SHROOM3: variants seen among roughly 807,000 people sequenced by gnomAD.
SHROOM3 encodes protein Shroom3.
SHROOM3 carries 47 observed loss-of-function variants against 138.6 expected under a neutral mutation model. The ratio of observed to expected loss-of-function variants is 0.34; its 90% CI spans 0.27 to 0.43. The LOEUF (loss-of-function observed/expected upper bound fraction) is 0.43, where lower values mean the gene tolerates loss of function less well. SHROOM3 is among the 20% of genes least tolerant of loss of function. The pLI is 1.00. For synonymous variants in SHROOM3, 1,062 were observed against 1,063.3 expected (o/e 1.00, Z 0.02); for missense variants, 2,491 against 2,596.5 (o/e 0.96, Z 0.88).
intron 1 of SHROOM3, among the ~76,000 whole-genome samples, chr4:76,484,572 AAAACAAACAAAC>A (rs142274232): frequency 0.016 from 2,327 of 147,616 alleles, 30 homozygotes; most frequent in Non-Finnish European, 0.022. Context: ...CCCTTACTCT[AAAACAAACAAAC>A]AAACAAACAA....
At chr4:76,547,538 C>T (rs1399221327) in intron 1 of SHROOM3, among the ~76,000 whole-genome samples, 1 of 152,084 alleles carries the variant, frequency 6.6e-6, no homozygotes, top group Admixed American at 6.5e-5. Context: ...TTCTGGGCGT[C>T]GGGGATACAG....
chr4:76,698,290 CTTCT>C (rs1719805296), intron 2 of SHROOM3, among the ~76,000 whole-genome samples: 1 of 152,184 alleles, frequency 6.6e-6, no homozygotes, highest in Non-Finnish European at 1.5e-5. Context: ...TGCATGTGAG[CTTCT>C]TTCTAAGACC....
intron 3 of SHROOM3, among the ~76,000 whole-genome samples, chr4:76,718,686 G>T (rs556658666): frequency 6.6e-6 from 1 of 152,200 alleles, no homozygotes; most frequent in Non-Finnish European, 1.5e-5. Context: ...CTCCAAAAGA[G>T]AATTCAGTTT....
At chr4:76,721,093 A>AGAGGTCAG (rs1553941634) in intron 3 of SHROOM3, among the ~76,000 whole-genome samples, 2 of 151,760 alleles carry the variant, frequency 1.3e-5, no homozygotes, top group Non-Finnish European at 2.9e-5. Context: ...GGGCGGATCA[A>AGAGGTCAG]GAGGTCAGGA....
intron 1 of SHROOM3, 30 bp from the exon 2 acceptor site, chr4:76,555,579 C>G: frequency 6.2e-7 from 1 of 1,611,936 alleles, no homozygotes. Context: ...AAAGCTCACT[C>G]GTGGCTGTCG....
At chr4:76,734,977 C>T (rs528646993) in intron 4 of SHROOM3, among the ~76,000 whole-genome samples, 21 of 152,100 alleles carry the variant, frequency 1.4e-4, no homozygotes, top group Non-Finnish European at 1.2e-4. Context: ...AAGAGCACTC[C>T]GGGTGGTGGG....
In SHROOM3 at chr4:76,739,416, C is replaced by A. The variant is rs772746533; in HGVS notation, c.1243C>A (p.Pro415Thr). 6.2e-7 allele frequency: 1 copy of A among 1,614,158 alleles called. No homozygotes were observed. Among genetic ancestry groups the A allele is most frequent in the Non-Finnish European group, 8.5e-7 (1 of 1,180,044 alleles). ...CCTTGATCAGAAACGGCTCTGCCGGCCTCAGGCAAACTCTTTAGGCTCCCT... is the reference window on the plus strand; with the variant it reads ...CCTTGATCAGAAACGGCTCTGCCGGACTCAGGCAAACTCTTTAGGCTCCCT... ...SSLDQKRLCR[P>T]QANSLGSLKS... Residue 415 changes from proline to threonine, a missense_variant, in exon 5 of 11, where the codon CCT becomes ACT. Pro to Thr is a conservative substitution (Grantham distance 38, BLOSUM62 -1). This residue lies in a region of SHROOM3 where 1,733 missense variants were observed against 1,661.6 expected (regional missense o/e 1.04). Coordinates refer to ENST00000296043, the MANE Select transcript of SHROOM3 (RefSeq NM_020859.4).
intron 10 of SHROOM3, 96 bp downstream of exon 10, chr4:76,770,994 T>G (rs1722340874): frequency 1.3e-6 from 2 of 1,502,978 alleles, no homozygotes; most frequent in Admixed American, 3.3e-5. Context: ...TCAGGAAGAT[T>G]TGTGGCAATC....
At chr4:76,469,231 A>G (rs551239152) in intron 1 of SHROOM3, among the ~76,000 whole-genome samples, 19 of 152,180 alleles carry the variant, frequency 1.2e-4, no homozygotes, top group Middle Eastern at 3.4e-3. Context: ...TAAGCATTTC[A>G]ATTTTTAAAA....
chr4:76,703,319 GA>G (rs978681943), intron 2 of SHROOM3, among the ~76,000 whole-genome samples: 2 of 152,054 alleles, frequency 1.3e-5, no homozygotes, highest in African/African-American at 4.8e-5. Context: ...ACTTAAAAAG[GA>G]AAAAAGATGA....
At chr4:76,552,113 G>A (rs546670707) in intron 1 of SHROOM3, among the ~76,000 whole-genome samples, 13 of 150,238 alleles carry the variant, frequency 8.7e-5, no homozygotes, top group Admixed American at 3.3e-4. Flanking sequence ...CGCCCGCCTC[G>A]GCCCCCCTAA....
chr4:76,521,218 A>G (rs554449306), intron 1 of SHROOM3, among the ~76,000 whole-genome samples: 24 of 152,164 alleles, frequency 1.6e-4, no homozygotes, highest in Non-Finnish European at 3.2e-4. Context: ...ACAGAAATCT[A>G]TTTACAGTCA....
chr4:76,718,039 T>G (rs1337050082), intron 3 of SHROOM3, among the ~76,000 whole-genome samples: 1 of 152,308 alleles, frequency 6.6e-6, no homozygotes, highest in East Asian at 1.9e-4. Flanking sequence ...AAAAAACAGG[T>G]GGATGCAACA....
At chr4:76,675,843 G>A in intron 2 of SHROOM3, among the ~76,000 whole-genome samples, 1 of 152,208 alleles carries the variant, frequency 6.6e-6, no homozygotes, top group East Asian at 1.9e-4. Flanking sequence ...CTGGGTGACA[G>A]AGTGAGACCC....
At chr4:76,531,754 A>G (rs1732832740) in intron 1 of SHROOM3, among the ~76,000 whole-genome samples, 1 of 152,148 alleles carries the variant, frequency 6.6e-6, no homozygotes, top group Admixed American at 6.6e-5. Context: ...TGTCTGAAAG[A>G]TAATTAATTC....
intron 2 of SHROOM3, among the ~76,000 whole-genome samples, chr4:76,681,096 A>G (rs989316319): frequency 3.3e-5 from 5 of 152,190 alleles, no homozygotes; most frequent in African/African-American, 9.7e-5. Context: ...CTCTCCATCT[A>G]TATCAACTGC....
At chr4:76,660,969 T>G (rs541832642) in intron 2 of SHROOM3, among the ~76,000 whole-genome samples, 7 of 151,696 alleles carry the variant, frequency 4.6e-5, no homozygotes, top group African/African-American at 1.7e-4. Context: ...CGGCTTAATT[T>G]TTTATGTTTT....
At chr4:76,510,838 G>A (rs1350421851) in intron 1 of SHROOM3, among the ~76,000 whole-genome samples, 2 of 152,152 alleles carry the variant, frequency 1.3e-5, no homozygotes, top group African/African-American at 4.8e-5. Flanking sequence ...CATCAGTGAA[G>A]TGAAGGGAGC....
intron 2 of SHROOM3, among the ~76,000 whole-genome samples, chr4:76,693,481 T>G (rs1238757070): frequency 6.8e-6 from 1 of 147,854 alleles, no homozygotes; most frequent in Non-Finnish European, 1.5e-5. Context: ...CCTCCCGGGT[T>G]CAAGCGATTC....
Sources: allele counts gnomAD v4.1 joint callset (sites outside exome capture counted in the v4.1 genomes callset), GRCh38; gene constraint gnomAD v4.1.1; regional missense constraint gnomAD v4.1.1; transcripts MANE v1.5; gene names NCBI Gene and HGNC (gene_info 2026-07-23, HGNC 2026-07-21).